DNAH14: variants seen among roughly 807,000 people sequenced by gnomAD.
The protein encoded by DNAH14 is dynein axonemal heavy chain 14.
Under a neutral mutation model 520.9 loss-of-function variants are expected in DNAH14, and 478 were observed. The observed-to-expected ratio is 0.92, with a 90% CI of 0.85 to 0.99. The LOEUF is 0.99. DNAH14 is among the 50% of genes least tolerant of loss of function. DNAH14 has a pLI of 0.00. For synonymous variants in DNAH14, 1,581 were observed against 1,757.2 expected (o/e 0.90, Z 2.51); for missense variants, 4,831 against 5,234.5 (o/e 0.92, Z 2.38).
Position 225,144,524 on chromosome 1 carries a change from C to G in DNAH14, c.4636C>G (p.Arg1546Gly), listed in dbSNP as rs1036475530. ...ATTGGTTATTACGCCTCTCACAGAC[C>G]GATGCTGGCTGACTCTCATGGAAGC... Reference protein sequence around the residue: ...SRLVITPLTDRCWLTLMEALH... With the variant: ...SRLVITPLTDGCWLTLMEALH... Residue 1546 changes from arginine to glycine, a missense_variant, in exon 29 of 86, where the codon CGA (arginine) becomes GGA (glycine). Coordinates refer to ENST00000682510, the MANE Select transcript of DNAH14 (RefSeq NM_001367479.1). 7.1e-6 allele frequency: 11 copies of G among 1,551,072 alleles called. No individual in the cohort carries two copies. Among genetic ancestry groups the G allele is most frequent in the Non-Finnish European group, 8.7e-6 (10 of 1,146,954 alleles).
chr1:224,941,510 G>A (rs2059418984), intron 1 of DNAH14, among the ~76,000 whole-genome samples: 1 of 152,170 alleles, frequency 6.6e-6, no homozygotes, highest in Non-Finnish European at 1.5e-5. Context: ...CTGTGCAGAA[G>A]CTCTTTAGTT....
At position 225,340,587 on chromosome 1, in the gene DNAH14, G is replaced by A. The variant is rs1417012621; in HGVS notation, c.10564G>A (p.Glu3522Lys). Residue 3522 changes from glutamate (E) to lysine (K), a missense_variant, in exon 69 of 86, where the codon GAA (glutamate) becomes AAA (lysine). Physicochemically the swap from Glu to Lys is moderately conservative, Grantham distance 56. Coordinates refer to ENST00000682510, the MANE Select transcript of DNAH14 (RefSeq NM_001367479.1). ...ACTCTTGTCTACTGTGGTAACTCAT[G>A]AAGTTCCTCATTTAGAAGATCAACG... is the stretch of plus-strand genomic sequence containing the variant. ...DQLLSTVVTHEVPHLEDQRSK... is the reference protein window; with the variant it reads ...DQLLSTVVTHKVPHLEDQRSK... 5 of 1,551,384 alleles carry A rather than the reference G, an allele frequency of 3.2e-6. No homozygotes were observed. Among genetic ancestry groups the A allele is most frequent in the Non-Finnish European group, 4.4e-6 (5 of 1,146,846 alleles).
intron 18 of DNAH14, among the ~76,000 whole-genome samples, chr1:225,080,158 G>T (rs546618697): frequency 2.0e-5 from 3 of 152,292 alleles, no homozygotes; most frequent in African/African-American, 7.2e-5. Context: ...GGCTTCAAGA[G>T]ACTGCCAAAT....
Position 225,272,988 on chromosome 1 carries a change from G to C in DNAH14, c.7873G>C (p.Val2625Leu). The stretch of plus-strand genomic sequence containing the variant: ...AGGATTGCTGCAAGCTGACAGGACT[G>C]TTGTTAACTCCAAAGAGATGGCTGC... ...LLGLLQADRTVVNSKEMAALL... is the reference protein window; with the variant it reads ...LLGLLQADRTLVNSKEMAALL... Residue 2625 changes from valine to leucine, a missense_variant, in exon 52 of 86, where the codon GTT (valine) becomes CTT (leucine). Transcript: ENST00000682510. The C allele has an allele frequency of 1.9e-6, 3 of 1,549,620 alleles. No individual in the cohort carries two copies. Among genetic ancestry groups the C allele is most frequent in the Non-Finnish European group, 2.6e-6 (3 of 1,146,474 alleles).
At chr1:225,312,340 T>C (rs1187707756) in intron 60 of DNAH14, among the ~76,000 whole-genome samples, 2 of 152,192 alleles carry the variant, frequency 1.3e-5, no homozygotes, top group African/African-American at 2.4e-5. Flanking sequence ...TAAGGAGTTT[T>C]GGGGTTGAGA....
chr1:225,233,869 T>G (rs569508702), intron 42 of DNAH14, among the ~76,000 whole-genome samples: 2 of 152,240 alleles, frequency 1.3e-5, no homozygotes, highest in African/African-American at 4.8e-5. Flanking sequence ...CCCGTGCCTA[T>G]ATTCTGAATG....
chr1:225,186,365 T>C (rs1162441922), intron 37 of DNAH14, among the ~76,000 whole-genome samples: 1 of 151,782 alleles, frequency 6.6e-6, no homozygotes, highest in Non-Finnish European at 1.5e-5. Context: ...TAATAAGAGG[T>C]GAATTATCAC....
chr1:225,059,421 T>G (rs1024105039), intron 17 of DNAH14, among the ~76,000 whole-genome samples: 54 of 152,178 alleles, frequency 3.5e-4, no homozygotes, highest in Non-Finnish European at 6.5e-4. Flanking sequence ...TATGTGTGTC[T>G]CTGCACATGA....
chr1:225,104,776 T>G (rs2075863245), intron 23 of DNAH14, among the ~76,000 whole-genome samples: 1 of 152,182 alleles, frequency 6.6e-6, no homozygotes, highest in African/African-American at 2.4e-5. Flanking sequence ...TCTTCTCTCT[T>G]TTCTTCTCTA....
At chr1:225,153,611 A>G in intron 33 of DNAH14, 139 bp from the exon 34 acceptor site, 1 of 565,262 alleles carries the variant, frequency 1.8e-6, no homozygotes, top group South Asian at 2.7e-5. Context: ...TAGCAGTATA[A>G]CCAAGGGTTT....
At chr1:225,388,112 T>C (rs995311034) in intron 81 of DNAH14, among the ~76,000 whole-genome samples, 1 of 151,970 alleles carries the variant, frequency 6.6e-6, no homozygotes, top group Admixed American at 6.6e-5. Context: ...GGTGAGGAAA[T>C]GAAAAGATTT....
chr1:225,110,200 A>G (rs768425890), intron 23 of DNAH14, among the ~76,000 whole-genome samples: 3 of 152,122 alleles, frequency 2.0e-5, no homozygotes, highest in Admixed American at 6.5e-5. Context: ...GCATCACAGA[A>G]TGAGTTTGGA....
intron 8 of DNAH14, among the ~76,000 whole-genome samples, chr1:224,995,683 A>G (rs1482804105): frequency 6.6e-6 from 1 of 151,782 alleles, no homozygotes; most frequent in Non-Finnish European, 1.5e-5. Flanking sequence ...AGACTCTTGG[A>G]TCTCTTGACA....
rs2080932508 is a variant in DNAH14 at position 225,155,442 on chromosome 1, G to A, written c.5273+1616G>A. On this transcript the variant is annotated intron_variant, in intron 34 of 85. Transcript: ENST00000682510. Reference sequence around the variant, plus strand: ...GAACTGAGGCATATATTGCAAAATGGCCTGTATAATATTGATGGCATGTAA... The same window carrying A: ...GAACTGAGGCATATATTGCAAAATGACCTGTATAATATTGATGGCATGTAA... Among the ~76,000 whole-genome samples, 4 of 152,092 alleles carry A rather than the reference G, an allele frequency of 2.6e-5. No individual in the cohort carries two copies. The South Asian group carries it at 8.3e-4, about 32-fold the overall frequency.
At chr1:225,001,180 T>C (rs1022668527) in intron 8 of DNAH14, among the ~76,000 whole-genome samples, 1 of 152,022 alleles carries the variant, frequency 6.6e-6, no homozygotes, top group African/African-American at 2.4e-5. Context: ...TGGGATATAT[T>C]GGGCAAAAAG....
chr1:224,951,214 C>T (rs1418434548), intron 1 of DNAH14, among the ~76,000 whole-genome samples: 3 of 152,070 alleles, frequency 2.0e-5, no homozygotes, highest in Non-Finnish European at 1.5e-5. Context: ...TTAGTAGAGG[C>T]GGGGTTTTGC....
chr1:225,211,871 A>G (rs2088476689), intron 41 of DNAH14, among the ~76,000 whole-genome samples: 1 of 144,458 alleles, frequency 6.9e-6, no homozygotes, highest in Non-Finnish European at 1.5e-5. Flanking sequence ...TTTTCAACCC[A>G]GAATTTATTT....
intron 27 of DNAH14, among the ~76,000 whole-genome samples, chr1:225,132,304 G>A (rs971046654): frequency 3.3e-5 from 5 of 151,724 alleles, no homozygotes; most frequent in African/African-American, 1.2e-4. Context: ...AGATCATCCC[G>A]TCACCTAGGT....
intron 43 of DNAH14, among the ~76,000 whole-genome samples, chr1:225,241,909 C>G (rs934575574): frequency 6.6e-6 from 1 of 152,166 alleles, no homozygotes; most frequent in African/African-American, 2.4e-5. Flanking sequence ...ACTTAGGCTA[C>G]ACTAAATTTA....
Sources: allele counts gnomAD v4.1 joint callset (sites outside exome capture counted in the v4.1 genomes callset), GRCh38; gene constraint gnomAD v4.1.1; transcripts MANE v1.5; gene names NCBI Gene and HGNC (gene_info 2026-07-23, HGNC 2026-07-21).